The following NPAS2 variants were observed in gnomAD, a reference collection of about 807,000 sequenced individuals.
The protein encoded by NPAS2 is neuronal PAS domain protein 2, also known as neuronal PAS domain-containing protein 2.
NPAS2 carries 23 observed loss-of-function variants against 107.5 expected under a neutral mutation model. That is an observed-to-expected ratio of 0.21 (90% confidence interval 0.15 to 0.30). The LOEUF is 0.30. NPAS2 is among the 10% of genes least tolerant of loss of function. The probability of loss-of-function intolerance (pLI) is 1.00; values close to 1 mark genes in which losing one functional copy is unlikely to be tolerated. For missense variants in NPAS2, 756 were observed against 1,043.3 expected (o/e 0.72, Z 3.79); for synonymous variants, 403 against 417.5 (o/e 0.97, Z 0.42).
chr2:100,869,155 C>G (rs1288976614), intron 1 of NPAS2, among the ~76,000 whole-genome samples: 2 of 151,360 alleles, frequency 1.3e-5, no homozygotes, highest in African/African-American at 4.9e-5. Flanking sequence ...AGGCTGGTCT[C>G]AAACTCCTGA....
intron 1 of NPAS2, among the ~76,000 whole-genome samples, chr2:100,827,694 C>T (rs1468143147): frequency 1.3e-5 from 2 of 152,170 alleles, no homozygotes; most frequent in Non-Finnish European, 2.9e-5. Flanking sequence ...CAGCTGCATC[C>T]ACGTTGCTGT....
intron 2 of NPAS2, among the ~76,000 whole-genome samples, chr2:100,911,705 C>T (rs1293631846): frequency 1.3e-5 from 2 of 152,044 alleles, no homozygotes; most frequent in Non-Finnish European, 1.5e-5. Flanking sequence ...AATGTCGGCT[C>T]ACTGCAACCT....
chr2:100,837,774 C>T (rs1453839755), intron 1 of NPAS2, among the ~76,000 whole-genome samples: 11 of 152,128 alleles, frequency 7.2e-5, no homozygotes, highest in Admixed American at 7.2e-4. Flanking sequence ...AAGTAAAGAA[C>T]AGTTGGGCGT....
intron 1 of NPAS2, among the ~76,000 whole-genome samples, chr2:100,846,654 G>A (rs913758711): frequency 6.6e-6 from 1 of 152,122 alleles, no homozygotes; most frequent in African/African-American, 2.4e-5. Context: ...ACATTTTGAT[G>A]TTTAGCTGCA....
chr2:100,834,517 G>T (rs1438793090), intron 1 of NPAS2, among the ~76,000 whole-genome samples: 2 of 152,164 alleles, frequency 1.3e-5, no homozygotes, highest in East Asian at 3.9e-4. Flanking sequence ...TGAACGCACA[G>T]AGCTCATTCA....
chr2:100,878,047 T>C, intron 1 of NPAS2: 1 of 985,406 alleles, frequency 1.0e-6, no homozygotes, highest in Non-Finnish European at 1.2e-6. Flanking sequence ...GTAGGCCCCG[T>C]GGACCTGCCG....
Position 100,965,023 on chromosome 2 carries a change from A to C in NPAS2, c.800+80A>C. 1.1e-6 allele frequency: 1 copy of C among 936,286 alleles called. No homozygotes were observed. The highest frequency in any genetic ancestry group is 1.6e-6 in the Non-Finnish European group (1 of 622,508). 58.0% of individuals were successfully genotyped at this position (936,286 alleles called of 1,614,324 possible). A position where few individuals can be genotyped will look rare whatever the true frequency, so the allele number is the denominator to read the frequency against. On this transcript the variant is annotated intron_variant, in intron 9 of 20. Transcript: ENST00000335681. This position sits in a 1 kb window ranked among gnomAD's most constrained non-coding sequence, Gnocchi z 4.3. ...TGAGCCAGGCTCTCCTTGGGAGAGA[A>C]GAGTCGGCCCTGGTCCATTGAAAGA...
intron 1 of NPAS2, among the ~76,000 whole-genome samples, chr2:100,832,282 CTG>C (rs2104370970): frequency 6.6e-6 from 1 of 152,284 alleles, no homozygotes; most frequent in South Asian, 2.1e-4. Flanking sequence ...CCTGAGCCAC[CTG>C]TATCTCCCTT....
chr2:100,831,494 GC>G (rs911759171), intron 1 of NPAS2, among the ~76,000 whole-genome samples: 2 of 152,088 alleles, frequency 1.3e-5, no homozygotes, highest in Non-Finnish European at 1.5e-5. Flanking sequence ...TAAGGTGGGG[GC>G]GGATGTGTCA....
At chr2:100,840,333 A>C (rs983455322) in intron 1 of NPAS2, among the ~76,000 whole-genome samples, 2 of 152,066 alleles carry the variant, frequency 1.3e-5, no homozygotes, top group Admixed American at 6.5e-5. Context: ...GGTTCCCGGG[A>C]GTGGGGACCA....
At chr2:100,852,728 G>T (rs187601548) in intron 1 of NPAS2, among the ~76,000 whole-genome samples, 19 of 152,248 alleles carry the variant, frequency 1.2e-4, no homozygotes, top group Admixed American at 1.0e-3. Flanking sequence ...ACTGATCCCT[G>T]CCCTGGTGTC....
intron 17 of NPAS2, chr2:100,988,515 C>G: frequency 1.9e-6 from 1 of 529,374 alleles, no homozygotes; most frequent in Non-Finnish European, 3.4e-6. Flanking sequence ...CAGTCCCTTG[C>G]TCTCGTGCTT....
rs1015772029 is a variant in NPAS2, at chr2:100,924,088, T to G, written c.33-1058T>G. ...TGTCACTTATTTAAAATAGACTTTA[T>G]TTTTTGGAGCATTTTTAGGCTCACA... is the stretch of plus-strand genomic sequence containing the variant. On this transcript the variant is annotated intron_variant, in intron 2 of 20. Coordinates refer to ENST00000335681, the MANE Select transcript of NPAS2 (RefSeq NM_002518.4). Among the ~76,000 whole-genome samples, 3 of 152,274 alleles carry G rather than the reference T, an allele frequency of 2.0e-5. No individual in the cohort carries two copies. In the East Asian group the frequency reaches 5.8e-4, roughly 29 times the overall value.
intron 15 of NPAS2, among the ~76,000 whole-genome samples, chr2:100,978,225 A>G (rs1486449777): frequency 1.3e-5 from 2 of 152,028 alleles, no homozygotes; most frequent in South Asian, 4.2e-4. Context: ...CTCATAGTTT[A>G]GCTCCCACTT....
intron 4 of NPAS2, among the ~76,000 whole-genome samples, chr2:100,935,931 A>G (rs1684272168): frequency 6.6e-6 from 1 of 151,802 alleles, no homozygotes; most frequent in Non-Finnish European, 1.5e-5. Context: ...CGTTGTGGGG[A>G]CTCTCCTGCA....
At chr2:100,975,905 A>C (rs1471801823) in intron 14 of NPAS2, among the ~76,000 whole-genome samples, 1 of 152,104 alleles carries the variant, frequency 6.6e-6, no homozygotes, top group Non-Finnish European at 1.5e-5. Context: ...ATCCCCTTTC[A>C]TGCTGGTGAA....
chr2:100,980,619 A>C (rs982259460), intron 15 of NPAS2, among the ~76,000 whole-genome samples: 1 of 151,902 alleles, frequency 6.6e-6, no homozygotes, highest in Non-Finnish European at 1.5e-5. Flanking sequence ...ACGGGTGCCC[A>C]CCACCACGCC....
chr2:100,970,841 C>A (rs1287478325), intron 11 of NPAS2, 149 bp from the exon 12 acceptor site: 2 of 567,984 alleles, frequency 3.5e-6, no homozygotes, highest in Non-Finnish European at 6.2e-6. Flanking sequence ...TTCCTTCCAA[C>A]AAGTCACAGG....
chr2:100,962,265 G>T (rs921400172), intron 7 of NPAS2, among the ~76,000 whole-genome samples: 2 of 152,104 alleles, frequency 1.3e-5, no homozygotes, highest in Admixed American at 6.5e-5. Flanking sequence ...ATTCATGTTA[G>T]TGGAGAGAAG....
Sources: gnomAD v4.1 joint callset for allele counts (sites outside exome capture counted in the v4.1 genomes callset) on GRCh38, gnomAD v4.1.1 for gene constraint, Gnocchi (gnomAD v3.1) non-coding constraint, MANE v1.5 for transcripts, NCBI Gene and HGNC (gene_info 2026-07-23, HGNC 2026-07-21) for gene names.